MAP4: variants seen among roughly 807,000 people sequenced by gnomAD.
MAP4 encodes microtubule-associated protein 4.
In MAP4, 76 loss-of-function variants were observed where a neutral mutation model predicts 170.2. The observed-to-expected ratio is 0.45, with a 90% CI of 0.37 to 0.54. The LOEUF (loss-of-function observed/expected upper bound fraction) is 0.54, where lower values mean the gene tolerates loss of function less well. Ranked by LOEUF, MAP4 falls within the 20% of genes least tolerant of loss-of-function variation. The pLI, the probability that MAP4 is intolerant of heterozygous loss-of-function variation, is 0.00. For missense variants in MAP4, 2,506 were observed against 2,748.0 expected (o/e 0.91, Z 1.97); for synonymous variants, 909 against 994.5 (o/e 0.91, Z 1.62).
intron 1 of MAP4, among the ~76,000 whole-genome samples, chr3:48,084,078 G>T (rs1406586176): frequency 1.3e-4 from 19 of 151,658 alleles, no homozygotes; most frequent in Admixed American, 1.3e-3. Context: ...GGTCGCAGCG[G>T]GAGTGCCTGT....
chr3:48,056,423 C>T (rs1185206882), intron 1 of MAP4, among the ~76,000 whole-genome samples: 53 of 86,666 alleles, frequency 6.1e-4, no homozygotes, highest in African/African-American at 2.0e-3. Context: ...CCAGCCGCCC[C>T]GTCCGGGAGG....
At chr3:48,010,398 TTTTCC>T (rs1199027554) in intron 1 of MAP4, among the ~76,000 whole-genome samples, 1 of 152,232 alleles carries the variant, frequency 6.6e-6, no homozygotes, top group Non-Finnish European at 1.5e-5. Flanking sequence ...TTATATTTCC[TTTTCC>T]TTTATCATGT....
rs2100036202 is a variant in MAP4 at position 47,912,006 on chromosome 3, G to T, written c.2415C>A (p.Asp805Glu). The T allele has an allele frequency of 6.5e-7, 1 of 1,536,096 alleles. No individual in the cohort carries two copies. The change falls in exon 9 of 21, where the codon GAC becomes GAA. Residue 805 changes from aspartate (D) to glutamate (E), a missense_variant. Around this residue, in one of 3 missense-constraint regions of MAP4, gnomAD observed 2,008 missense variants for 2,206.0 expected, o/e 0.91. Transcript: ENST00000683076. ...TGGGGAGAACACCTGATTTTTGTGTGTCAGCTGCAAATGGATGACCTTTAG... is the reference window on the plus strand; with the variant it reads ...TGGGGAGAACACCTGATTTTTGTGTTTCAGCTGCAAATGGATGACCTTTAG... ...DKPKGHPFAADTQKSGVLPSQ... is the reference protein window; with the variant it reads ...DKPKGHPFAAETQKSGVLPSQ...
At chr3:48,054,341 G>A (rs751024423) in intron 1 of MAP4, among the ~76,000 whole-genome samples, 4 of 149,324 alleles carry the variant, frequency 2.7e-5, no homozygotes, top group Non-Finnish European at 4.5e-5. Context: ...ATCAGCTGGA[G>A]CAGGCCAGGC....
At chr3:48,015,037 AAAAG>A (rs1650344799) in intron 1 of MAP4, among the ~76,000 whole-genome samples, 1 of 152,092 alleles carries the variant, frequency 6.6e-6, no homozygotes, top group Non-Finnish European at 1.5e-5. Context: ...CCTAGGAGGC[AAAAG>A]AAAGGGAGTT....
intron 3 of MAP4, among the ~76,000 whole-genome samples, chr3:47,931,504 G>A (rs955561758): frequency 3.9e-5 from 6 of 151,948 alleles, no homozygotes; most frequent in Non-Finnish European, 7.4e-5. Context: ...TTGAGACAGG[G>A]TCTTGCTCTG....
intron 1 of MAP4, among the ~76,000 whole-genome samples, chr3:48,042,248 C>A (rs767363123): frequency 2.0e-5 from 3 of 152,086 alleles, no homozygotes; most frequent in Non-Finnish European, 2.9e-5. Context: ...GATGCTATCT[C>A]CAGGTTGATT....
intron 10 of MAP4, among the ~76,000 whole-genome samples, chr3:47,896,866 T>C (rs908851190): frequency 8.5e-5 from 13 of 152,092 alleles, no homozygotes; most frequent in Admixed American, 1.3e-4. Flanking sequence ...AGGACAAGGG[T>C]CCATTATATC....
rs1167906300 is a variant in MAP4 at position 48,074,509 on chromosome 3, CTT to C, written c.-20+14262_-20+14263del. Among the ~76,000 whole-genome samples, 329 of 112,514 alleles carry C rather than the reference CTT, an allele frequency of 2.9e-3. 1 individual carries two copies. The highest frequency in any genetic ancestry group is 0.013 in the African/African-American group (305 of 24,088). 73.8% of individuals were successfully genotyped at this position (112,514 alleles called of 152,430 possible). On this transcript the variant is annotated intron_variant, in intron 1 of 18. Transcript: ENST00000360240. Reference sequence around the variant, plus strand: ...TACATTATATATATATATACACACACTTTTTTTTTTTTTTTTTTTTTTGAGAC... The same window carrying C: ...TACATTATATATATATATACACACACTTTTTTTTTTTTTTTTTTTTGAGAC...
chr3:48,010,467 A>C (rs1172073613), intron 1 of MAP4, among the ~76,000 whole-genome samples: 1 of 152,188 alleles, frequency 6.6e-6, no homozygotes, highest in Non-Finnish European at 1.5e-5. Flanking sequence ...AACTTTATGT[A>C]ATAGTATTTG....
chr3:47,922,051 A>T (rs1204035601), intron 4 of MAP4, among the ~76,000 whole-genome samples, 173 bp from the exon 5 acceptor site: 2 of 151,738 alleles, frequency 1.3e-5, no homozygotes, highest in Non-Finnish European at 2.9e-5. Context: ...AGGTTCAAGC[A>T]ATTCTCCTGC....
At chr3:47,865,989 T>C (rs1487256777) in intron 17 of MAP4, among the ~76,000 whole-genome samples, 1 of 151,996 alleles carries the variant, frequency 6.6e-6, no homozygotes. Context: ...TGGCACACAA[T>C]GGCAGCAAGA....
intron 2 of MAP4, among the ~76,000 whole-genome samples, chr3:47,988,292 T>C (rs1318187416): frequency 6.6e-6 from 1 of 151,804 alleles, no homozygotes; most frequent in Non-Finnish European, 1.5e-5. Context: ...TATAGTATGT[T>C]TGATGCTGGT....
At chr3:47,939,821 T>TTTG (rs912728833) in intron 3 of MAP4, among the ~76,000 whole-genome samples, 7 of 152,146 alleles carry the variant, frequency 4.6e-5, no homozygotes, top group Non-Finnish European at 5.9e-5. Flanking sequence ...AAGTCTGTTT[T>TTTG]TTGTTGTTGT....
chr3:48,007,364 T>C (rs1377945477), intron 1 of MAP4, among the ~76,000 whole-genome samples: 2 of 152,182 alleles, frequency 1.3e-5, no homozygotes, highest in African/African-American at 4.8e-5. Context: ...CTAGTGGGCA[T>C]ATTTGGATTT....
chr3:47,973,395 C>T (rs1003316013), intron 3 of MAP4: 35 of 985,338 alleles, frequency 3.6e-5, no homozygotes, highest in Middle Eastern at 5.2e-4. Flanking sequence ...TATGGCAATA[C>T]AGCATTTCAT....
intron 16 of MAP4, 122 bp downstream of exon 16, chr3:47,869,092 G>A: frequency 1.3e-6 from 1 of 755,560 alleles, no homozygotes; most frequent in Admixed American, 2.2e-5. Context: ...AGGGAATATA[G>A]GGGAGAAGAA....
chr3:47,913,277 G>A (rs577196537), intron 8 of MAP4, among the ~76,000 whole-genome samples: 1 of 152,238 alleles, frequency 6.6e-6, no homozygotes, highest in South Asian at 2.1e-4. Context: ...CTCCTGTCAA[G>A]TCTGACCCAA....
At chr3:48,033,834 C>T (rs988795765) in intron 1 of MAP4, among the ~76,000 whole-genome samples, 7 of 152,070 alleles carry the variant, frequency 4.6e-5, no homozygotes, top group African/African-American at 1.2e-4. Context: ...AACTCCTGAT[C>T]CTAGGTGATC....
Sources: allele counts gnomAD v4.1 joint callset (sites outside exome capture counted in the v4.1 genomes callset), GRCh38; gene constraint gnomAD v4.1.1; regional missense constraint gnomAD v4.1.1; transcripts MANE v1.5; gene names NCBI Gene and HGNC (gene_info 2026-07-23, HGNC 2026-07-21).